Variants in BASP1 observed in about 807,000 individuals in gnomAD.
The protein encoded by BASP1 is brain abundant membrane attached signal protein 1.
Under a neutral mutation model 2.2 loss-of-function variants are expected in BASP1, and 1 was observed. That is an observed-to-expected ratio of 0.46 (90% confidence interval 0.16 to 2.17). The LOEUF (loss-of-function observed/expected upper bound fraction) is 2.17, where lower values mean the gene tolerates loss of function less well. Ranked by LOEUF, BASP1 falls within the 30% of genes most tolerant of loss-of-function variation. The pLI is 0.27. For missense variants in BASP1, 352 were observed against 327.2 expected, an observed-to-expected ratio of 1.08 and a Z score of -0.58; for synonymous variants, 187 against 154.2, an observed-to-expected ratio of 1.21 and a Z score of -1.58.
At chr5:17,250,238 C>T (rs1006242892) in intron 1 of BASP1, among the ~76,000 whole-genome samples, 8 of 152,166 alleles carry the variant, frequency 5.3e-5, no homozygotes, top group African/African-American at 9.7e-5. Context: ...TGAGCCACCG[C>T]GCCCGGCCCT....
chr5:17,260,807 A>G lies in BASP1; in HGVS notation c.-9-14401A>G, dbSNP rs914375585. Among the ~76,000 whole-genome samples, 1 of 152,230 alleles carries G rather than the reference A, an allele frequency of 6.6e-6. No homozygotes were observed. Among genetic ancestry groups the G allele is most frequent in the Non-Finnish European group, 1.5e-5 (1 of 68,044 alleles). ...TGAATAAATATTGAAGAAACGCCCT[A>G]GGTCAAGATTCAAGTGAAGTCAGGC... On this transcript the variant is annotated intron_variant, in intron 1 of 1. Transcript: ENST00000322611. This position sits in a 1 kb window ranked among gnomAD's most constrained non-coding sequence, Gnocchi z 4.2.
At position 17,255,340 on chromosome 5, in the gene BASP1, C is replaced by A. The variant is rs558501696; in HGVS notation, c.-9-19868C>A. 1.7e-4 allele frequency among the ~76,000 whole-genome samples: 26 copies of A among 152,244 alleles called. No homozygotes were observed. The South Asian group carries it at 4.6e-3, about 27-fold the overall frequency. ...ATTTTTAATCTATTTTAGGTCCTTC[C>A]ATTTCACATTAATGACATAGTAATC... On this transcript the variant is annotated intron_variant, in intron 1 of 1. Transcript: ENST00000322611.
At chr5:17,245,884 G>T (rs2126503855) in intron 1 of BASP1, among the ~76,000 whole-genome samples, 1 of 152,200 alleles carries the variant, frequency 6.6e-6, no homozygotes, top group African/African-American at 2.4e-5. Flanking sequence ...CTGAGCTTGT[G>T]TGCTGGCTTT....
chr5:17,231,230 C>T (rs1739628536), intron 1 of BASP1, among the ~76,000 whole-genome samples: 1 of 152,178 alleles, frequency 6.6e-6, no homozygotes, highest in Non-Finnish European at 1.5e-5. Flanking sequence ...CACTCACTTT[C>T]CTGGTAGATA....
Position 17,275,944 on chromosome 5 carries a change from C to CCTCTCTCTCTCT in BASP1, c.*59_*70dup, listed in dbSNP as rs59080603. ...AAAACAATACCACTTAAAACAATCT[C>CCTCTCTCTCTCT]CTCTCTCTCTCTCTCTCTCTCTCTC... is the stretch of plus-strand genomic sequence containing the variant. On this transcript the variant is annotated 3_prime_UTR_variant, in exon 2 of 2. Transcript: ENST00000322611. The surrounding 1 kb of genome is among the most constrained non-coding windows in gnomAD (Gnocchi z 5.3). 24 of 1,084,406 alleles carry CCTCTCTCTCTCT rather than the reference C, an allele frequency of 2.2e-5. No homozygotes were observed. Among genetic ancestry groups the CCTCTCTCTCTCT allele is most frequent in the East Asian group, 1.8e-4 (6 of 33,144 alleles). The allele number at this position is 1,084,406 out of a possible 1,614,324, so 67.2% of individuals were successfully genotyped here.
intron 1 of BASP1, among the ~76,000 whole-genome samples, chr5:17,254,289 G>C (rs1036783679): frequency 6.6e-5 from 10 of 152,106 alleles, no homozygotes; most frequent in African/African-American, 2.2e-4. Flanking sequence ...TTCATCTTTT[G>C]TGTTCATTTT....
In BASP1 at chr5:17,245,307, C is replaced by CAA. The variant is rs761635722; in HGVS notation, c.-10+27514_-10+27515dup. Among the ~76,000 whole-genome samples, 88 of 72,776 alleles carry CAA rather than the reference C, an allele frequency of 1.2e-3. 1 individual carries two copies. The highest frequency in any genetic ancestry group is 7.8e-3 in the Admixed American group (50 of 6,412). The allele number at this position is 72,776 out of a possible 152,430, so 47.7% of individuals were successfully genotyped here. On this transcript the variant is annotated intron_variant, in intron 1 of 1. Coordinates refer to ENST00000322611, the MANE Select transcript of BASP1 (RefSeq NM_006317.5). ...ACAGAGTGAAAGTGAGACTCCGTCT[C>CAA]AAAAAAAAAAAAAAAAAATCAGTGT...
intron 1 of BASP1, among the ~76,000 whole-genome samples, chr5:17,238,254 A>G (rs900701283): frequency 7.9e-5 from 12 of 152,044 alleles, no homozygotes; most frequent in African/African-American, 2.9e-4. Context: ...TTATGCAGGA[A>G]AAGTGGTCAC....
In BASP1 at chr5:17,275,971, ATC is replaced by A. The variant is rs962964821; in HGVS notation, c.*81_*82del. On this transcript the variant is annotated 3_prime_UTR_variant, in exon 2 of 2. Coordinates refer to ENST00000322611, the MANE Select transcript of BASP1 (RefSeq NM_006317.5). This position sits in a 1 kb window ranked among gnomAD's most constrained non-coding sequence, Gnocchi z 5.3. ...TCTCTCTCTCTCTCTCTCTCTCTCTATCTCTCTCTCTATCTCCTCTCTCTCTC... is the reference window on the plus strand; with the variant it reads ...TCTCTCTCTCTCTCTCTCTCTCTCTATCTCTCTCTATCTCCTCTCTCTCTC... The A allele has an allele frequency of 2.1e-4, 167 of 811,328 alleles. 1 individual carries two copies. Among genetic ancestry groups the A allele is most frequent in the South Asian group, 1.8e-3 (64 of 35,726 alleles). The allele number at this position is 811,328 out of a possible 1,614,324, so 50.3% of individuals were successfully genotyped here. A position where few individuals can be genotyped will look rare whatever the true frequency, so the allele number is the denominator to read the frequency against.
Position 17,251,399 on chromosome 5 carries a change from C to G in BASP1, c.-9-23809C>G, listed in dbSNP as rs1282610487. 6.6e-6 allele frequency among the ~76,000 whole-genome samples: 1 copy of G among 152,090 alleles called. No homozygotes were observed. Among genetic ancestry groups the G allele is most frequent in the Non-Finnish European group, 1.5e-5 (1 of 68,002 alleles). ...CAAGTATCAACATATCACATGTACC[C>G]CTAAAATATATAAAATGATTTTACA... On this transcript the variant is annotated intron_variant, in intron 1 of 1. Transcript: ENST00000322611. This position sits in a 1 kb window ranked among gnomAD's most constrained non-coding sequence, Gnocchi z 4.0.
intron 1 of BASP1, among the ~76,000 whole-genome samples, chr5:17,231,483 C>T (rs949753014): frequency 6.6e-6 from 1 of 152,162 alleles, no homozygotes; most frequent in African/African-American, 2.4e-5. Context: ...AACACCGGCT[C>T]TCAGCATGTT....
At chr5:17,245,576 T>C (rs925774878) in intron 1 of BASP1, among the ~76,000 whole-genome samples, 1 of 152,104 alleles carries the variant, frequency 6.6e-6, no homozygotes, top group African/African-American at 2.4e-5. Flanking sequence ...CTCAGCAATT[T>C]AATATGAGAT....
intron 1 of BASP1, among the ~76,000 whole-genome samples, chr5:17,219,089 TG>T (rs1457456522): frequency 1.3e-5 from 2 of 151,948 alleles, no homozygotes; most frequent in Non-Finnish European, 2.9e-5. Context: ...GCTATAGGGT[TG>T]TGGACCGACC....
chr5:17,266,814 CAAAAAAAA>C (rs70943882), intron 1 of BASP1, among the ~76,000 whole-genome samples: 1 of 111,486 alleles, frequency 9.0e-6, no homozygotes, highest in African/African-American at 3.8e-5. Context: ...GATCCTGTCT[CAAAAAAAA>C]AAAAAAAAAA....
chr5:17,254,917 A>G (rs11133892), intron 1 of BASP1, among the ~76,000 whole-genome samples: 79,789 of 152,072 alleles, frequency 0.52, 21,446 homozygotes, highest in Middle Eastern at 0.57. Flanking sequence ...CAAAGGAAGT[A>G]AGAATTTTCT....
chr5:17,245,290 A>G (rs1739954313), intron 1 of BASP1, among the ~76,000 whole-genome samples: 1 of 142,616 alleles, frequency 7.0e-6, no homozygotes, highest in Non-Finnish European at 1.5e-5. Context: ...CAACAGAGTG[A>G]AAGTGAGACT....
At chr5:17,258,763 C>T (rs1579497560) in intron 1 of BASP1, among the ~76,000 whole-genome samples, 1 of 152,054 alleles carries the variant, frequency 6.6e-6, no homozygotes, top group African/African-American at 2.4e-5. Context: ...ATGTCACAGC[C>T]CTCTGGGATT....
At chr5:17,262,628 C>T (rs942944666) in intron 1 of BASP1, among the ~76,000 whole-genome samples, 4 of 152,208 alleles carry the variant, frequency 2.6e-5, no homozygotes, top group Non-Finnish European at 4.4e-5. Flanking sequence ...GTCTCAGACT[C>T]TACCTTCTCT....
At chr5:17,272,346 C>A (rs545847427) in intron 1 of BASP1, among the ~76,000 whole-genome samples, 1 of 152,178 alleles carries the variant, frequency 6.6e-6, no homozygotes, top group Non-Finnish European at 1.5e-5. Context: ...CTTCTATCCC[C>A]TCTGTGGTGC....
Sources: gnomAD v4.1 joint callset for allele counts (sites outside exome capture counted in the v4.1 genomes callset) on GRCh38, gnomAD v4.1.1 for gene constraint, Gnocchi (gnomAD v3.1) non-coding constraint, MANE v1.5 for transcripts, NCBI Gene and HGNC (gene_info 2026-07-23, HGNC 2026-07-21) for gene names.